Variants in KLF13 observed in about 807,000 individuals in gnomAD.
The protein encoded by KLF13 is Krueppel-like factor 13.
KLF13 carries 8 observed loss-of-function variants against 16.7 expected under a neutral mutation model. That is an observed-to-expected ratio of 0.48 (90% confidence interval 0.28 to 0.87). The LOEUF is 0.87. Among genes scored for constraint, KLF13 ranks in the 40% least tolerant of loss-of-function variants. The pLI is 0.10. For synonymous variants in KLF13, 245 were observed against 208.4 expected (o/e 1.18, Z -1.51); for missense variants, 447 against 452.2 (o/e 0.99, Z 0.10).
intron 1 of KLF13, among the ~76,000 whole-genome samples, chr15:31,338,458 G>A (rs1160327529): frequency 6.6e-6 from 1 of 152,216 alleles, no homozygotes; most frequent in Non-Finnish European, 1.5e-5. Flanking sequence ...CATCTGGCCA[G>A]GTGGTGCGGG....
intron 1 of KLF13, among the ~76,000 whole-genome samples, chr15:31,338,418 C>T (rs1204963408): frequency 6.6e-6 from 1 of 152,214 alleles, no homozygotes; most frequent in Non-Finnish European, 1.5e-5. Context: ...TCAGAACAAT[C>T]GTTCCACTGG....
intron 1 of KLF13, among the ~76,000 whole-genome samples, chr15:31,333,697 C>G (rs529094675): frequency 6.6e-6 from 1 of 152,108 alleles, no homozygotes; most frequent in African/African-American, 2.4e-5. Flanking sequence ...CCTAAAATGT[C>G]CAGTATAGGA....
At chr15:31,397,490 C>T (rs1160751246) in intron 2 of KLF13, among the ~76,000 whole-genome samples, 3 of 152,202 alleles carry the variant, frequency 2.0e-5, no homozygotes, top group South Asian at 2.1e-4. Context: ...TGGGAGGGGC[C>T]GTGGCCTGCC....
intron 1 of KLF13, among the ~76,000 whole-genome samples, chr15:31,333,957 G>T (rs547553231): frequency 7.9e-4 from 120 of 152,302 alleles, no homozygotes; most frequent in African/African-American, 2.6e-3. Flanking sequence ...CCTCATGGGG[G>T]GGGGAGGGCA....
At chr15:31,352,881 G>A (rs942144812) in intron 1 of KLF13, among the ~76,000 whole-genome samples, 2 of 152,194 alleles carry the variant, frequency 1.3e-5, no homozygotes, top group South Asian at 4.1e-4. Context: ...GGACCTCCAG[G>A]GTGGCTACTT....
At chr15:31,343,043 C>T (rs1048961212) in intron 1 of KLF13, among the ~76,000 whole-genome samples, 1 of 152,222 alleles carries the variant, frequency 6.6e-6, no homozygotes, top group African/African-American at 2.4e-5. Flanking sequence ...CATGGAGTTT[C>T]CGCATCCCCC....
intron 1 of KLF13, among the ~76,000 whole-genome samples, chr15:31,418,117 A>G (rs1162045542): frequency 1.3e-5 from 2 of 152,126 alleles, no homozygotes; most frequent in African/African-American, 2.4e-5. Context: ...AAGTAACTCA[A>G]GGTTTAAAGA....
At chr15:31,396,449 G>T (rs914583952) in intron 2 of KLF13, among the ~76,000 whole-genome samples, 1 of 152,156 alleles carries the variant, frequency 6.6e-6, no homozygotes, top group African/African-American at 2.4e-5. Context: ...GAGCCACCGC[G>T]CCCGGCCTAG....
chr15:31,371,787 T>G (rs2039558269), intron 1 of KLF13, among the ~76,000 whole-genome samples: 1 of 152,222 alleles, frequency 6.6e-6, no homozygotes, highest in Admixed American at 6.5e-5. Context: ...AAATGCTGTT[T>G]TATCCTAGGC....
At chr15:31,425,853 G>A (rs191404624) in intron 1 of KLF13, among the ~76,000 whole-genome samples, 1 of 152,146 alleles carries the variant, frequency 6.6e-6, no homozygotes, top group Non-Finnish European at 1.5e-5. Context: ...CTCCAGCCTG[G>A]CCAACAAGAG....
chr15:31,361,598 A>G (rs2039389146), intron 1 of KLF13, among the ~76,000 whole-genome samples: 1 of 151,724 alleles, frequency 6.6e-6, no homozygotes, highest in Non-Finnish European at 1.5e-5. Flanking sequence ...AGGCTGGGGG[A>G]GGGGAGACAC....
At chr15:31,349,156 C>T (rs2039176242) in intron 1 of KLF13, among the ~76,000 whole-genome samples, 1 of 152,184 alleles carries the variant, frequency 6.6e-6, no homozygotes, top group Non-Finnish European at 1.5e-5. Context: ...GTACTGTATC[C>T]TCTGCAGGCC....
intron 1 of KLF13, among the ~76,000 whole-genome samples, chr15:31,350,460 C>T (rs2039199011): frequency 2.0e-5 from 3 of 152,244 alleles, no homozygotes; most frequent in Admixed American, 2.0e-4. Flanking sequence ...CTATGTGGTT[C>T]TGGGCAAGGA....
Position 31,327,621 on chromosome 15 carries a change from C to A in KLF13, c.409C>A (p.Pro137Thr). ...GGCGGGGCTGGAGCCCGAGCGGGAG[C>A]CGGGGCCCGCGGGGAGCGGCGAGCC... ...PEAGLEPERE[P>T]GPAGSGEPGL... Residue 137 changes from proline to threonine, a missense_variant, in exon 1 of 2, where the codon CCG (proline) becomes ACG (threonine). Around this residue, in one of 2 missense-constraint regions of KLF13, gnomAD observed 359 missense variants for 282.8 expected, o/e 1.27. Coordinates refer to ENST00000307145, the MANE Select transcript of KLF13 (RefSeq NM_015995.4). 7.4e-7 allele frequency: 1 copy of A among 1,346,534 alleles called. No individual in the cohort carries two copies. The allele number at this position is 1,346,534 out of a possible 1,614,324, so 83.4% of individuals were successfully genotyped here.
At chr15:31,353,193 G>A (rs2039243080) in intron 1 of KLF13, among the ~76,000 whole-genome samples, 1 of 152,352 alleles carries the variant, frequency 6.6e-6, no homozygotes, top group African/African-American at 2.4e-5. Flanking sequence ...AAGGGGGAGT[G>A]CCTGGAGGTA....
rs1223450169 is a variant in KLF13 at position 31,327,037 on chromosome 15, G to A, written c.-176G>A. 2 of 436,176 alleles carry A rather than the reference G, an allele frequency of 4.6e-6. No individual in the cohort carries two copies. The highest frequency in any genetic ancestry group is 6.4e-6 in the Non-Finnish European group (2 of 314,894). 27.0% of individuals were successfully genotyped at this position (436,176 alleles called of 1,614,324 possible). A position where few individuals can be genotyped will look rare whatever the true frequency, so the allele number is the denominator to read the frequency against. On this transcript the variant is annotated 5_prime_UTR_variant, in exon 1 of 2. Coordinates refer to ENST00000307145, the MANE Select transcript of KLF13 (RefSeq NM_015995.4). ...TGCCCGGCCGGGCCGGCGCCTCGCA[G>A]ACGCGGAGCCGCGCGGGTGACGGCA...
chr15:31,420,199 G>C (rs1815750215), intron 1 of KLF13: 4 of 601,606 alleles, frequency 6.6e-6, no homozygotes, highest in Admixed American at 5.7e-5. Context: ...AGCTGAGTGG[G>C]GGTGCTGCCC....
chr15:31,344,485 G>A (rs2039080668), intron 1 of KLF13, among the ~76,000 whole-genome samples: 1 of 152,240 alleles, frequency 6.6e-6, no homozygotes, highest in Non-Finnish European at 1.5e-5. Context: ...TGCCTTGGCT[G>A]GTGGCCTTTG....
chr15:31,327,312 C>A lies in KLF13; in HGVS notation c.100C>A (p.Arg34=). The A allele has an allele frequency of 7.8e-7, 1 of 1,289,994 alleles. No homozygotes were observed. Among genetic ancestry groups the A allele is most frequent in the Non-Finnish European group, 9.8e-7 (1 of 1,022,854 alleles). 79.9% of individuals were successfully genotyped at this position (1,289,994 alleles called of 1,614,324 possible). Reference sequence around the variant, plus strand: ...CGGGCCGCGGGAGGGGCCGGAGTCCCGGCCCGAGGGCGCGGCCGTGGCCGC... The same window carrying A: ...CGGGCCGCGGGAGGGGCCGGAGTCCAGGCCCGAGGGCGCGGCCGTGGCCGC... ...VHGPREGPES[R]PEGAAVAATP... The change falls in exon 1 of 2, where the codon CGG becomes AGG. Residue 34 remains arginine (R), a synonymous_variant. Coordinates refer to ENST00000307145, the MANE Select transcript of KLF13 (RefSeq NM_015995.4).
Sources: allele counts gnomAD v4.1 joint callset (sites outside exome capture counted in the v4.1 genomes callset), GRCh38; gene constraint gnomAD v4.1.1; regional missense constraint gnomAD v4.1.1; transcripts MANE v1.5; gene names NCBI Gene and HGNC (gene_info 2026-07-23, HGNC 2026-07-21).